Variants in ATP10B observed in about 807,000 individuals in gnomAD.
The protein encoded by ATP10B is phospholipid-transporting ATPase VB.
Under a neutral mutation model 141.2 loss-of-function variants are expected in ATP10B, and 122 were observed. The ratio of observed to expected loss-of-function variants is 0.86; its 90% CI spans 0.75 to 1.00. The LOEUF is 1.00. ATP10B is among the 50% of genes least tolerant of loss of function. The pLI is 0.00. For synonymous variants in ATP10B, 685 were observed against 692.0 expected, an observed-to-expected ratio of 0.99 and a Z score of 0.16; for missense variants, 1,876 against 1,825.3, an observed-to-expected ratio of 1.03 and a Z score of -0.51.
chr5:160,892,631 G>C, the ATP10B span, among the ~76,000 whole-genome samples: 1 of 152,086 alleles, frequency 6.6e-6, no homozygotes, highest in Admixed American at 6.6e-5. Context: ...CCTCCCCTTT[G>C]TCAAATGAAA....
chr5:160,649,430 G>A (rs565985212), intron 7 of ATP10B, among the ~76,000 whole-genome samples, 174 bp from the exon 8 acceptor site: 1 of 152,314 alleles, frequency 6.6e-6, no homozygotes, highest in South Asian at 2.1e-4. Flanking sequence ...TTAAGGAAGA[G>A]AAAGCAAATG....
intron 2 of ATP10B, among the ~76,000 whole-genome samples, chr5:160,776,779 T>C (rs1685208099): frequency 6.6e-6 from 1 of 152,214 alleles, no homozygotes; most frequent in Non-Finnish European, 1.5e-5. Flanking sequence ...AATATGTCCA[T>C]ACTTGAAAAA....
intron 13 of ATP10B, among the ~76,000 whole-genome samples, chr5:160,631,385 A>T (rs1431362377): frequency 2.0e-5 from 3 of 152,302 alleles, no homozygotes; most frequent in Admixed American, 6.5e-5. Context: ...TGCTACCTGG[A>T]TGTTTGCTGA....
intron 2 of ATP10B, among the ~76,000 whole-genome samples, chr5:160,778,244 A>G (rs1248725715): frequency 1.3e-5 from 2 of 152,348 alleles, no homozygotes; most frequent in South Asian, 4.1e-4. Context: ...TGGAAACAGC[A>G]TCTGAACTTT....
the ATP10B span, among the ~76,000 whole-genome samples, chr5:160,865,814 G>T: frequency 6.6e-6 from 1 of 152,100 alleles, no homozygotes; most frequent in African/African-American, 2.4e-5. Flanking sequence ...CATTAAAAAT[G>T]CTGAACATCA....
chr5:160,800,308 A>T (rs573986352), intron 1 of ATP10B, among the ~76,000 whole-genome samples: 1 of 152,250 alleles, frequency 6.6e-6, no homozygotes, highest in Admixed American at 6.5e-5. Context: ...TGGAAATAAT[A>T]AAAATGTCAA....
chr5:160,582,370 TG>T (rs1755609454), intron 24 of ATP10B, among the ~76,000 whole-genome samples: 1 of 152,226 alleles, frequency 6.6e-6, no homozygotes, highest in South Asian at 2.1e-4. Context: ...ATCATTTGCT[TG>T]TCGTAAAGGA....
chr5:160,844,485 C>T (rs1245380264), intron 1 of ATP10B, among the ~76,000 whole-genome samples: 1 of 151,756 alleles, frequency 6.6e-6, no homozygotes, highest in Non-Finnish European at 1.5e-5. Flanking sequence ...GCCACCACAC[C>T]AAAAGAAATA....
At chr5:160,892,242 C>A in the ATP10B span, among the ~76,000 whole-genome samples, 6 of 152,202 alleles carry the variant, frequency 3.9e-5, no homozygotes, top group Non-Finnish European at 5.9e-5. Context: ...CTGGCTCCTG[C>A]CTCTTCCTTC....
intron 1 of ATP10B, among the ~76,000 whole-genome samples, chr5:160,842,905 C>CAGAAAATATAAAAAT (rs1400536945): frequency 6.6e-6 from 1 of 151,916 alleles, no homozygotes; most frequent in African/African-American, 2.4e-5. Context: ...CAAGTTGTTT[C>CAGAAAATATAAAAAT]AGAAAACATA....
chr5:160,674,720 T>C (rs1159995735), intron 6 of ATP10B, among the ~76,000 whole-genome samples: 1 of 151,810 alleles, frequency 6.6e-6, no homozygotes, highest in Non-Finnish European at 1.5e-5. Context: ...GGTAGGCATC[T>C]AGGAATAATA....
At position 160,652,921 on chromosome 5, in the gene ATP10B, A is replaced by AC. The variant is rs1172641353; in HGVS notation, c.676-3666_676-3665insG. Among the ~76,000 whole-genome samples the AC allele has an allele frequency of 4.6e-4, 37 of 80,880 alleles. 1 individual carries two copies. Among genetic ancestry groups the AC allele is most frequent in the South Asian group, 1.4e-3 (4 of 2,892 alleles). 53.1% of individuals were successfully genotyped at this position (80,880 alleles called of 152,430 possible). On this transcript the variant is annotated intron_variant, in intron 7 of 25. Coordinates refer to ENST00000327245, the MANE Select transcript of ATP10B (RefSeq NM_025153.3). ...ATATATTATATATACATGTATATAT[A>AC]ATATATTATATATACATGTATATAT...
chr5:160,879,883 A>C, the ATP10B span, among the ~76,000 whole-genome samples: 1 of 152,084 alleles, frequency 6.6e-6, no homozygotes, highest in Non-Finnish European at 1.5e-5. Context: ...GGAACTAATA[A>C]GTGATTGTAT....
At chr5:160,905,164 G>T in the ATP10B span, among the ~76,000 whole-genome samples, 1 of 152,150 alleles carries the variant, frequency 6.6e-6, no homozygotes, top group Non-Finnish European at 1.5e-5. Flanking sequence ...TGAGGCTCAG[G>T]GAGTTTAAGA....
chr5:160,770,587 A>T (rs1157815757), intron 2 of ATP10B, among the ~76,000 whole-genome samples: 1 of 152,160 alleles, frequency 6.6e-6, no homozygotes, highest in African/African-American at 2.4e-5. Context: ...CTTCATTTAA[A>T]AGTGGCTTTT....
intron 24 of ATP10B, among the ~76,000 whole-genome samples, chr5:160,573,920 C>T (rs1478486607): frequency 6.6e-6 from 1 of 152,162 alleles, no homozygotes; most frequent in African/African-American, 2.4e-5. Flanking sequence ...AACGATGTAA[C>T]ATTCCTGTAC....
At chr5:160,615,346 G>A (rs972055512) in intron 17 of ATP10B, among the ~76,000 whole-genome samples, 13 of 151,364 alleles carry the variant, frequency 8.6e-5, no homozygotes, top group African/African-American at 3.2e-4. Flanking sequence ...CCTCACCCCT[G>A]TGCTAGGCTG....
chr5:160,804,780 T>C (rs911698848), intron 1 of ATP10B, among the ~76,000 whole-genome samples: 3 of 152,210 alleles, frequency 2.0e-5, no homozygotes, highest in Non-Finnish European at 4.4e-5. Flanking sequence ...GACTCACTTT[T>C]CCTTATAAAT....
At chr5:160,828,234 T>C (rs1365799071) in intron 1 of ATP10B, among the ~76,000 whole-genome samples, 1 of 152,090 alleles carries the variant, frequency 6.6e-6, no homozygotes, top group Non-Finnish European at 1.5e-5. Flanking sequence ...CTAAAGAGCT[T>C]CTGCACAGCA....
Sources: allele counts gnomAD v4.1 joint callset (sites outside exome capture counted in the v4.1 genomes callset), GRCh38; gene constraint gnomAD v4.1.1; transcripts MANE v1.5; gene names NCBI Gene and HGNC (gene_info 2026-07-23, HGNC 2026-07-21).